Variants in NREP observed in about 807,000 individuals in gnomAD.
NREP encodes the protein neuronal regeneration-related protein.
A neutral mutation model predicts 8.6 loss-of-function variants in NREP; 5 were observed. The observed-to-expected ratio is 0.58, with a 90% CI of 0.30 to 1.22. The LOEUF (loss-of-function observed/expected upper bound fraction) is 1.22, where lower values mean the gene tolerates loss of function less well. Ranked by LOEUF, NREP falls within the 50% of genes most tolerant of loss-of-function variation. The pLI is 0.07. For synonymous variants in NREP, 27 were observed against 28.0 expected, an observed-to-expected ratio of 0.96 and a Z score of 0.11; for missense variants, 86 against 82.5, an observed-to-expected ratio of 1.04 and a Z score of -0.17.
intron 2 of NREP, among the ~76,000 whole-genome samples, chr5:111,934,114 G>C (rs1181589466): frequency 6.6e-6 from 1 of 152,032 alleles, no homozygotes; most frequent in Non-Finnish European, 1.5e-5. Flanking sequence ...GGGTCTACGT[G>C]GCTTGCTTTG....
chr5:111,824,202 C>A (rs551563409), intron 2 of NREP, among the ~76,000 whole-genome samples: 11 of 152,204 alleles, frequency 7.2e-5, no homozygotes, highest in African/African-American at 2.4e-4. Flanking sequence ...AACCCCGTCT[C>A]TACTAAAAAT....
At chr5:111,945,902 A>G (rs1032909242) in intron 2 of NREP, among the ~76,000 whole-genome samples, 2 of 151,992 alleles carry the variant, frequency 1.3e-5, no homozygotes, top group African/African-American at 4.8e-5. Flanking sequence ...AGATTGGCTC[A>G]CCTTGGATCT....
intron 2 of NREP, among the ~76,000 whole-genome samples, chr5:111,932,720 A>G (rs1332072772): frequency 6.6e-6 from 1 of 152,118 alleles, no homozygotes; most frequent in African/African-American, 2.4e-5. Context: ...TCTGGTATAT[A>G]AGACCCTGAA....
chr5:111,821,174 C>T (rs925791874), intron 2 of NREP, among the ~76,000 whole-genome samples: 36 of 152,292 alleles, frequency 2.4e-4, no homozygotes, highest in Admixed American at 4.6e-4. Flanking sequence ...CACAGCACTC[C>T]GCTGGTACCT....
chr5:111,902,020 G>A (rs1754658455), intron 2 of NREP, among the ~76,000 whole-genome samples: 1 of 152,092 alleles, frequency 6.6e-6, no homozygotes, highest in African/African-American at 2.4e-5. Context: ...GAACAAATGT[G>A]GAGGCACCAC....
At chr5:111,962,074 C>A (rs1370422315) in intron 2 of NREP, among the ~76,000 whole-genome samples, 1 of 152,160 alleles carries the variant, frequency 6.6e-6, no homozygotes, top group Admixed American at 6.5e-5. Flanking sequence ...GCTCTAGCAG[C>A]CTCCACAAGA....
intron 2 of NREP, among the ~76,000 whole-genome samples, chr5:111,847,661 C>T (rs1003801766): frequency 6.6e-6 from 1 of 152,130 alleles, no homozygotes; most frequent in Non-Finnish European, 1.5e-5. Context: ...CTGTGTCTAT[C>T]TGTATATCTG....
intron 2 of NREP, among the ~76,000 whole-genome samples, chr5:111,965,855 G>T (rs1301677889): frequency 2.0e-5 from 3 of 152,104 alleles, no homozygotes; most frequent in Non-Finnish European, 2.9e-5. Context: ...TATTACAAGT[G>T]CTTGATATGT....
chr5:111,756,579 T>C (rs1750726519), intron 1 of NREP, among the ~76,000 whole-genome samples: 1 of 152,096 alleles, frequency 6.6e-6, no homozygotes, highest in South Asian at 2.1e-4. Context: ...CAGATTATTA[T>C]AATCACCAAG....
At chr5:111,790,769 T>G (rs79278532) in intron 2 of NREP, among the ~76,000 whole-genome samples, 6,023 of 99,194 alleles carry the variant, frequency 0.061, 155 homozygotes, top group East Asian at 0.089. Flanking sequence ...CATGGGAAGT[T>G]ATTTAGGATA....
intron 2 of NREP, among the ~76,000 whole-genome samples, chr5:111,806,981 C>A (rs1404439519): frequency 6.6e-6 from 1 of 151,878 alleles, no homozygotes; most frequent in African/African-American, 2.4e-5. Context: ...TGATGTGGCT[C>A]TTGGCTATAG....
At chr5:111,731,972 C>A (rs1748630343) in intron 3 of NREP, 1 of 152,216 alleles carries the variant, frequency 6.6e-6, no homozygotes, top group Non-Finnish European at 1.5e-5. Flanking sequence ...ATGCCCTGTA[C>A]AGGTATGAAC....
chr5:111,861,722 T>C (rs1304719522), intron 2 of NREP, among the ~76,000 whole-genome samples: 5 of 152,202 alleles, frequency 3.3e-5, no homozygotes, highest in Admixed American at 6.5e-5. Context: ...TGTAGGAATA[T>C]GACCAATAAC....
At chr5:111,956,824 C>T (rs911220155) in intron 2 of NREP, among the ~76,000 whole-genome samples, 1 of 151,772 alleles carries the variant, frequency 6.6e-6, no homozygotes, top group Non-Finnish European at 1.5e-5. Flanking sequence ...GTTAGCCAGG[C>T]GTGGTGGTGT....
chr5:111,880,890 G>C (rs552788074), intron 2 of NREP, among the ~76,000 whole-genome samples: 1 of 151,000 alleles, frequency 6.6e-6, no homozygotes, highest in Admixed American at 6.6e-5. Flanking sequence ...AGCTCCCAGC[G>C]TGAGCAACGC....
chr5:111,790,244 C>T (rs1405864323), intron 2 of NREP, among the ~76,000 whole-genome samples: 1 of 150,964 alleles, frequency 6.6e-6, no homozygotes, highest in East Asian at 1.9e-4. Flanking sequence ...TCCAGGACAT[C>T]CTAAATACAT....
intron 2 of NREP, among the ~76,000 whole-genome samples, chr5:111,966,324 G>C (rs137945933): frequency 1.3e-5 from 2 of 152,194 alleles, no homozygotes; most frequent in East Asian, 3.9e-4. Context: ...GAAATTAAAA[G>C]GTATAAAAGA....
intron 2 of NREP, among the ~76,000 whole-genome samples, chr5:111,955,692 T>C (rs1756295533): frequency 1.3e-5 from 2 of 151,986 alleles, no homozygotes; most frequent in Admixed American, 6.6e-5. Context: ...GTAAAATGTG[T>C]TAAATTACAC....
chr5:111,799,300 G>A (rs1751946467), intron 2 of NREP, among the ~76,000 whole-genome samples: 1 of 152,056 alleles, frequency 6.6e-6, no homozygotes, highest in Non-Finnish European at 1.5e-5. Context: ...CTAGTTCTGT[G>A]AAGAATGATG....
Sources: gnomAD v4.1 joint callset for allele counts (sites outside exome capture counted in the v4.1 genomes callset) on GRCh38, gnomAD v4.1.1 for gene constraint, MANE v1.5 for transcripts, NCBI Gene and HGNC (gene_info 2026-07-23, HGNC 2026-07-21) for gene names.